UMAD1: variants seen among roughly 807,000 people sequenced by gnomAD.
The protein encoded by UMAD1 is UBAP1-MVB12-associated (UMA) domain containing 1, also known as UBAP1-MVB12-associated (UMA)-domain containing protein 1.
UMAD1 carries 8 observed loss-of-function variants against 6.1 expected under a neutral mutation model. That is an observed-to-expected ratio of 1.30 (90% CI 0.76 to 2.35). UMAD1 has a LOEUF of 2.35. Among genes scored for constraint, UMAD1 ranks in the 30% most tolerant of loss-of-function variants. The pLI, the probability that UMAD1 is intolerant of heterozygous loss-of-function variation, is 0.00. For synonymous variants in UMAD1, 56 were observed against 31.4 expected (o/e 1.78, Z -2.61); for missense variants, 130 against 78.4 (o/e 1.66, Z -2.49).
At chr7:7,861,879 T>G (rs7790025) in intron 3 of UMAD1, among the ~76,000 whole-genome samples, 102,059 of 152,026 alleles carry the variant, frequency 0.67, 35,247 homozygotes, top group Middle Eastern at 0.76. Context: ...GTATAATAAT[T>G]GTAGAAACAG....
chr7:7,822,709 C>G (rs911518450), intron 3 of UMAD1, among the ~76,000 whole-genome samples: 17 of 152,150 alleles, frequency 1.1e-4, no homozygotes, highest in Non-Finnish European at 1.6e-4. Flanking sequence ...CAGAAAAATT[C>G]CTAGATTTGA....
chr7:7,872,832 AAAAAG>A (rs1363900942), intron 3 of UMAD1, among the ~76,000 whole-genome samples: 1 of 152,248 alleles, frequency 6.6e-6, no homozygotes, highest in Non-Finnish European at 1.5e-5. Context: ...TACACAACCA[AAAAAG>A]AAAAGAAAGT....
At chr7:7,784,634 C>T (rs1163476512) in intron 2 of UMAD1, among the ~76,000 whole-genome samples, 3 of 151,918 alleles carry the variant, frequency 2.0e-5, no homozygotes, top group Non-Finnish European at 4.4e-5. Context: ...CGTGAGCCAC[C>T]GTGCCCGGCC....
At chr7:7,691,538 C>T (rs1339161996) in intron 2 of UMAD1, among the ~76,000 whole-genome samples, 2 of 152,288 alleles carry the variant, frequency 1.3e-5, no homozygotes, top group Non-Finnish European at 2.9e-5. Context: ...GATTACATTT[C>T]GAAGGAGAAG....
Position 7,877,549 on chromosome 7 carries a change from T to C in UMAD1, c.*11T>C, listed in dbSNP as rs1269944918. 5.6e-6 allele frequency: 4 copies of C among 716,056 alleles called. No homozygotes were observed. The East Asian group carries it at 1.1e-4, about 19-fold the overall frequency. 44.4% of individuals were successfully genotyped at this position (716,056 alleles called of 1,614,324 possible). On this transcript the variant is annotated 3_prime_UTR_variant, in exon 4 of 4. Coordinates refer to ENST00000682710, the MANE Select transcript of UMAD1 (RefSeq NM_001302348.2). Reference sequence around the variant, plus strand: ...CTCTGTGATTCATAACCTTTATGTCTGTTTGCACCTTAACAGCTTTAAAAT... The same window carrying C: ...CTCTGTGATTCATAACCTTTATGTCCGTTTGCACCTTAACAGCTTTAAAAT...
At chr7:7,835,957 A>C (rs1783560825) in intron 3 of UMAD1, among the ~76,000 whole-genome samples, 3 of 151,966 alleles carry the variant, frequency 2.0e-5, no homozygotes, top group Admixed American at 2.0e-4. Flanking sequence ...TCTAATCTAA[A>C]TTTTGCCTTT....
At chr7:7,732,374 A>T (rs1419294570) in intron 2 of UMAD1, among the ~76,000 whole-genome samples, 2 of 152,288 alleles carry the variant, frequency 1.3e-5, no homozygotes, top group East Asian at 3.9e-4. Flanking sequence ...AGTTGCTATT[A>T]GTCTTCTAAC....
At chr7:7,849,675 A>G (rs1259408259) in intron 3 of UMAD1, among the ~76,000 whole-genome samples, 3 of 152,190 alleles carry the variant, frequency 2.0e-5, no homozygotes, top group African/African-American at 7.2e-5. Context: ...GGAGTTTACC[A>G]TTTAGTAGGA....
chr7:7,855,553 C>T (rs1330724406), intron 3 of UMAD1, among the ~76,000 whole-genome samples: 3 of 152,230 alleles, frequency 2.0e-5, no homozygotes, highest in African/African-American at 7.2e-5. Flanking sequence ...GGATACAGGG[C>T]ACCAAATCCC....
rs867381177 is a variant in UMAD1, at chr7:7,813,713, A to T, written c.156+11970A>T. Among the ~76,000 whole-genome samples the T allele has an allele frequency of 5.9e-5, 9 of 152,318 alleles. No individual in the cohort carries two copies. The South Asian group carries it at 8.3e-4, about 14-fold the overall frequency. ...TCTCTTGGAAAATAGTTTGAAGAAC[A>T]TGCTGTTTATTTGTTCATCGAGATA... On this transcript the variant is annotated intron_variant, in intron 3 of 3. Transcript: ENST00000682710.
intron 1 of UMAD1, among the ~76,000 whole-genome samples, chr7:7,662,007 C>G (rs1385694926): frequency 6.6e-6 from 1 of 152,166 alleles, no homozygotes; most frequent in African/African-American, 2.4e-5. Flanking sequence ...ATGCCCTACA[C>G]AGAGAGGAGG....
At chr7:7,876,244 A>G (rs190430758) in intron 3 of UMAD1, among the ~76,000 whole-genome samples, 170 of 152,346 alleles carry the variant, frequency 1.1e-3, no homozygotes, top group Non-Finnish European at 2.1e-3. Context: ...CTCGGTGTGC[A>G]CGAGCAAGCA....
chr7:7,847,104 A>AATATATATAT (rs1170307529), intron 3 of UMAD1, among the ~76,000 whole-genome samples: 5 of 6,608 alleles, frequency 7.6e-4, no homozygotes, highest in Non-Finnish European at 1.2e-3. Flanking sequence ...AAAAAAAAAA[A>AATATATATAT]ATATATATAT....
intron 2 of UMAD1, among the ~76,000 whole-genome samples, chr7:7,745,323 G>A (rs1006147273): frequency 6.6e-6 from 1 of 152,106 alleles, no homozygotes; most frequent in African/African-American, 2.4e-5. Context: ...AGGGTCAGCT[G>A]TACTTTCTTT....
At chr7:7,725,394 G>A (rs114446234) in intron 2 of UMAD1, among the ~76,000 whole-genome samples, 3,077 of 152,264 alleles carry the variant, frequency 0.02, 94 homozygotes, top group African/African-American at 0.07. Context: ...TGTGCTTAAT[G>A]TATCGGTGGC....
At chr7:7,711,285 A>G (rs1427467660) in intron 2 of UMAD1, among the ~76,000 whole-genome samples, 2 of 152,222 alleles carry the variant, frequency 1.3e-5, no homozygotes, top group East Asian at 3.8e-4. Flanking sequence ...AAAAGACAAC[A>G]TGATGCTGTT....
intron 2 of UMAD1, among the ~76,000 whole-genome samples, chr7:7,737,441 G>C (rs1472344260): frequency 6.6e-6 from 1 of 152,114 alleles, no homozygotes. Context: ...TCTTACCTTT[G>C]GATTTTGTTT....
chr7:7,731,204 G>A (rs577956923), intron 2 of UMAD1, among the ~76,000 whole-genome samples: 57 of 152,240 alleles, frequency 3.7e-4, no homozygotes, highest in African/African-American at 1.4e-3. Flanking sequence ...GTTCCACCAT[G>A]TTGGCCAGGA....
intron 2 of UMAD1, among the ~76,000 whole-genome samples, chr7:7,776,162 C>G (rs777368816): frequency 2.0e-5 from 3 of 152,012 alleles, no homozygotes; most frequent in Non-Finnish European, 2.9e-5. Flanking sequence ...AAAAACAAAA[C>G]AAAACAAGAC....
Sources: gnomAD v4.1 joint callset for allele counts (sites outside exome capture counted in the v4.1 genomes callset) on GRCh38, gnomAD v4.1.1 for gene constraint, MANE v1.5 for transcripts, NCBI Gene and HGNC (gene_info 2026-07-23, HGNC 2026-07-21) for gene names.